Variants in MTMR2 observed in about 807,000 individuals in gnomAD.
MTMR2 encodes phosphatidylinositol-3,5-bisphosphate 3-phosphatase MTMR2.
In MTMR2, 55 loss-of-function variants were observed where a neutral mutation model predicts 86.9. That is an observed-to-expected ratio of 0.63 (90% CI 0.51 to 0.79). The LOEUF (loss-of-function observed/expected upper bound fraction) is 0.79, where lower values mean the gene tolerates loss of function less well. Ranked by LOEUF, MTMR2 falls within the 30% of genes least tolerant of loss-of-function variation. MTMR2 has a pLI of 0.00. For synonymous variants in MTMR2, 241 were observed against 266.8 expected (o/e 0.90, Z 0.94); for missense variants, 659 against 772.3 (o/e 0.85, Z 1.74).
intron 10 of MTMR2, among the ~76,000 whole-genome samples, chr11:95,847,429 G>C (rs950988340): frequency 3.9e-5 from 6 of 152,106 alleles, no homozygotes; most frequent in African/African-American, 1.2e-4. Context: ...AATCTGGGAA[G>C]ACCTTATGGA....
intron 2 of MTMR2, chr11:95,882,497 CTAAAATAAAATAAAATAAAA>C (rs112378876): frequency 6.9e-6 from 1 of 145,364 alleles, no homozygotes; most frequent in Non-Finnish European, 1.5e-5. Flanking sequence ...GAGACTCCCT[CTAAAATAAAATAAAATAAAA>C]TAAAATAAAA....
intron 1 of MTMR2, among the ~76,000 whole-genome samples, chr11:95,911,015 T>A (rs565771): frequency 0.29 from 43,511 of 152,100 alleles, 7,470 homozygotes; most frequent in Non-Finnish European, 0.39. Flanking sequence ...AATTTTTAAT[T>A]ATGTTTAAAA....
intron 1 of MTMR2, among the ~76,000 whole-genome samples, chr11:95,911,510 T>C (rs1434589342): frequency 6.6e-6 from 1 of 152,164 alleles, no homozygotes; most frequent in Non-Finnish European, 1.5e-5. Context: ...GGAAGGACCT[T>C]GAGTTCCAGC....
At chr11:95,915,156 A>G (rs1185746828) in intron 1 of MTMR2, among the ~76,000 whole-genome samples, 1 of 152,188 alleles carries the variant, frequency 6.6e-6, no homozygotes, top group African/African-American at 2.4e-5. Context: ...AACAGAGAAC[A>G]GAGAACAAAA....
Position 95,882,565 on chromosome 11 carries a change from T to C in MTMR2, c.186+5591A>G, listed in dbSNP as rs61903339. The C allele has an allele frequency of 0.016, 2,499 of 152,198 alleles. 26 individuals carry two copies. The highest frequency in any genetic ancestry group is 0.031 in the Middle Eastern group (9 of 294). The allele number at this position is 152,198 out of a possible 1,614,324, so 9.4% of individuals were successfully genotyped here. ...TGGCCTTTAGTTTGCAAAGGAAATA[T>C]GCATAACACAGATTTTGAAGACAGA... On this transcript the variant is annotated intron_variant, in intron 2 of 14. Transcript: ENST00000346299.
chr11:95,860,044 A>G (rs569306527), intron 5 of MTMR2, among the ~76,000 whole-genome samples: 1 of 152,206 alleles, frequency 6.6e-6, no homozygotes, highest in Non-Finnish European at 1.5e-5. Flanking sequence ...TGTTCCATGG[A>G]AAGAAATTAT....
At chr11:95,846,770 A>C (rs142429974) in intron 10 of MTMR2, among the ~76,000 whole-genome samples, 63 of 152,342 alleles carry the variant, frequency 4.1e-4, no homozygotes, top group African/African-American at 1.4e-3. Context: ...CTGTATATTT[A>C]CACATCACAT....
At chr11:95,875,750 G>C (rs1160911465) in intron 2 of MTMR2, among the ~76,000 whole-genome samples, 1 of 152,132 alleles carries the variant, frequency 6.6e-6, no homozygotes, top group Non-Finnish European at 1.5e-5. Context: ...TTTGGTCTTT[G>C]ATGATGGTGA....
intron 2 of MTMR2, among the ~76,000 whole-genome samples, chr11:95,872,504 A>T (rs1864929018): frequency 1.3e-5 from 2 of 152,210 alleles, no homozygotes; most frequent in African/African-American, 4.8e-5. Context: ...CAGCTTAAGG[A>T]GATTTTGGGC....
chr11:95,900,033 GGTCA>G (rs1406825475), intron 1 of MTMR2, among the ~76,000 whole-genome samples: 20 of 152,190 alleles, frequency 1.3e-4, no homozygotes, highest in African/African-American at 4.6e-4. Flanking sequence ...GAGGAACTTA[GGTCA>G]GTTAATAAGT....
intron 1 of MTMR2, among the ~76,000 whole-genome samples, chr11:95,917,512 C>G (rs1046443752): frequency 6.6e-6 from 1 of 152,126 alleles, no homozygotes; most frequent in Non-Finnish European, 1.5e-5. Flanking sequence ...AGTTGGGGTG[C>G]TGACCTTCAA....
At chr11:95,918,194 G>A (rs1866779923) in intron 1 of MTMR2, among the ~76,000 whole-genome samples, 1 of 152,180 alleles carries the variant, frequency 6.6e-6, no homozygotes, top group Non-Finnish European at 1.5e-5. Flanking sequence ...ATTAGCAAAA[G>A]ATCCAAGGCA....
At chr11:95,867,623 T>C (rs1864663766) in intron 2 of MTMR2, among the ~76,000 whole-genome samples, 1 of 152,118 alleles carries the variant, frequency 6.6e-6, no homozygotes, top group Non-Finnish European at 1.5e-5. Flanking sequence ...CTTTTAACAA[T>C]AGGCTTATGC....
intron 1 of MTMR2, among the ~76,000 whole-genome samples, chr11:95,904,950 A>G (rs981826545): frequency 3.9e-5 from 6 of 152,088 alleles, no homozygotes; most frequent in African/African-American, 1.4e-4. Flanking sequence ...CCACCACACC[A>G]ACAAAAATGC....
chr11:95,869,317 A>T (rs1190012550), intron 2 of MTMR2, among the ~76,000 whole-genome samples: 1 of 151,858 alleles, frequency 6.6e-6, no homozygotes, highest in Non-Finnish European at 1.5e-5. Context: ...GTTTATCTGG[A>T]TGTAACCCCA....
At position 95,835,260 on chromosome 11, in the gene MTMR2, T is replaced by G. The variant is rs766329068; in HGVS notation, c.*30A>C. ...AGCTGCCAGTGTAATCAAGAGTGTA[T>G]AGCAATGATGCCCCTGATCTTACAG... is the stretch of plus-strand genomic sequence containing the variant. On this transcript the variant is annotated 3_prime_UTR_variant, in exon 15 of 15. Coordinates refer to ENST00000346299, the MANE Select transcript of MTMR2 (RefSeq NM_016156.6). 7.5e-6 allele frequency: 12 copies of G among 1,610,056 alleles called. No individual in the cohort carries two copies. The Admixed American group carries it at 1.0e-4, about 13-fold the overall frequency.
intron 1 of MTMR2, among the ~76,000 whole-genome samples, chr11:95,918,473 A>G (rs951647450): frequency 3.3e-5 from 5 of 152,234 alleles, no homozygotes; most frequent in Non-Finnish European, 7.3e-5. Flanking sequence ...CAGGTTCACT[A>G]TCAACTTGCA....
At chr11:95,868,435 CTG>C (rs1864719899) in intron 2 of MTMR2, among the ~76,000 whole-genome samples, 1 of 151,702 alleles carries the variant, frequency 6.6e-6, no homozygotes, top group East Asian at 1.9e-4. Flanking sequence ...GAAATAAAAT[CTG>C]TATGCAATTA....
At chr11:95,876,927 T>C (rs1450189745) in intron 2 of MTMR2, among the ~76,000 whole-genome samples, 1 of 152,136 alleles carries the variant, frequency 6.6e-6, no homozygotes, top group African/African-American at 2.4e-5. Flanking sequence ...AGTTGGCAAG[T>C]TTAAGTCAGT....
Sources: allele counts gnomAD v4.1 joint callset (sites outside exome capture counted in the v4.1 genomes callset), GRCh38; gene constraint gnomAD v4.1.1; transcripts MANE v1.5; gene names NCBI Gene and HGNC (gene_info 2026-07-23, HGNC 2026-07-21).